The following ABCC5 variants were observed in gnomAD, a reference collection of about 807,000 sequenced individuals.
The protein encoded by ABCC5 is ATP binding cassette subfamily C member 5, also known as ATP-binding cassette sub-family C member 5.
In ABCC5, 61 loss-of-function variants were observed where a neutral mutation model predicts 160.9. The ratio of observed to expected loss-of-function variants is 0.38; its 90% CI spans 0.31 to 0.47. The LOEUF (loss-of-function observed/expected upper bound fraction) is 0.47, where lower values mean the gene tolerates loss of function less well. ABCC5 is among the 20% of genes least tolerant of loss of function. ABCC5 has a pLI of 0.99. For missense variants in ABCC5, 1,308 were observed against 1,813.3 expected (o/e 0.72, Z 5.06); for synonymous variants, 666 against 700.6 (o/e 0.95, Z 0.78).
intron 24 of ABCC5, among the ~76,000 whole-genome samples, chr3:183,943,339 A>G (rs1714540999): frequency 1.3e-5 from 2 of 152,208 alleles, no homozygotes; most frequent in Non-Finnish European, 2.9e-5. Context: ...AAGAAAACTA[A>G]TATTTACTGA....
chr3:183,928,884 G>T (rs1712879922), intron 26 of ABCC5, 59 bp from the exon 27 acceptor site: 1 of 1,417,112 alleles, frequency 7.1e-7, no homozygotes. Flanking sequence ...ATTGGCAAAG[G>T]CTGTCTGTGG....
chr3:183,951,507 T>C lies in ABCC5; in HGVS notation c.2878A>G (p.Met960Val), dbSNP rs374919177. The change falls in exon 20 of 30, where the codon ATG becomes GTG. Residue 960 changes from methionine to valine, a missense_variant. Met to Val is a conservative substitution (Grantham distance 21). This residue lies in a region of ABCC5 where 1,142 missense variants were observed against 1,527.1 expected (regional missense o/e 0.75). Coordinates refer to ENST00000334444, the MANE Select transcript of ABCC5 (RefSeq NM_005688.4). This position sits in a 1 kb window ranked among gnomAD's most constrained non-coding sequence, Gnocchi z 4.7. ...GTGGGGGTCGTGTCAAAAAACTTCA[T>C]AGGGCTTCGAAGGATCCTTCGGAAA... Reference protein sequence around the residue: ...ELFRRILRSPMKFFDTTPTGR... With the variant: ...ELFRRILRSPVKFFDTTPTGR... The C allele has an allele frequency of 2.5e-6, 4 of 1,614,154 alleles. No individual in the cohort carries two copies. The highest frequency in any genetic ancestry group is 2.2e-5 in the East Asian group (1 of 44,866).
At chr3:183,967,814 C>G in intron 11 of ABCC5, 48 bp from the exon 12 acceptor site, 1 of 1,447,560 alleles carries the variant, frequency 6.9e-7, no homozygotes. Flanking sequence ...CTACTAACCA[C>G]TCATCGCTAA....
In ABCC5 at chr3:183,947,480, A is replaced by G. The variant is rs768499815; in HGVS notation, c.3258T>C (p.Ala1086=). 1 of 1,603,242 alleles carries G rather than the reference A, an allele frequency of 6.2e-7. No individual in the cohort carries two copies. The highest frequency in any genetic ancestry group is 8.5e-7 in the Non-Finnish European group (1 of 1,173,390). Residue 1086 remains alanine (A), a synonymous_variant, in exon 23 of 30, where the codon GCT becomes GCC. Coordinates refer to ENST00000334444, the MANE Select transcript of ABCC5 (RefSeq NM_005688.4). ...TCGCACACGTAAACAAAAAAAAAGG[A>G]GCTTGGTTGTCATCCAGCAGCTCCT... ...RYQELLDDNQ[A]PFFLFTCAMR...
chr3:183,943,754 G>A (rs1215388016), intron 24 of ABCC5, among the ~76,000 whole-genome samples: 1 of 152,102 alleles, frequency 6.6e-6, no homozygotes, highest in African/African-American at 2.4e-5. Context: ...AATGTGACCG[G>A]TTTCAGCAGG....
chr3:183,990,669 G>A (rs977876337), intron 2 of ABCC5, among the ~76,000 whole-genome samples: 1 of 149,798 alleles, frequency 6.7e-6, no homozygotes, highest in African/African-American at 2.5e-5. Context: ...CTGCACAGCT[G>A]AAGAGCTCTA....
chr3:184,017,440 ACCCG>A lies in ABCC5; in HGVS notation c.-56+386_-56+389del, dbSNP rs1228963484. ...CCTCCCAGGTGGGCGTTTCTCTCAG[ACCCG>A]CTTCGCCTGGGATGCCCGGGCCCTA... On this transcript the variant is annotated intron_variant, in intron 1 of 29. Coordinates refer to ENST00000334444, the MANE Select transcript of ABCC5 (RefSeq NM_005688.4). This position sits in a 1 kb window ranked among gnomAD's most constrained non-coding sequence, Gnocchi z 4.5. The A allele has an allele frequency of 1.3e-5, 2 of 151,956 alleles. No individual in the cohort carries two copies. Among genetic ancestry groups the A allele is most frequent in the Non-Finnish European group, 2.9e-5 (2 of 67,980 alleles). The allele number at this position is 151,956 out of a possible 1,614,324, so 9.4% of individuals were successfully genotyped here. A position where few individuals can be genotyped will look rare whatever the true frequency, so the allele number is the denominator to read the frequency against.
chr3:184,016,862 G>A (rs972445377), intron 1 of ABCC5, among the ~76,000 whole-genome samples: 2 of 152,174 alleles, frequency 1.3e-5, no homozygotes, highest in African/African-American at 4.8e-5. Flanking sequence ...TGATTCAACT[G>A]CATGGCAGGA....
At chr3:184,005,629 A>C (rs1341280383) in intron 2 of ABCC5, among the ~76,000 whole-genome samples, 29 of 136,714 alleles carry the variant, frequency 2.1e-4, no homozygotes, top group African/African-American at 7.7e-4. Context: ...ACATTAAAAA[A>C]AGCATGAACA....
intron 16 of ABCC5, 30 bp from the exon 17 acceptor site, chr3:183,959,865 G>GTCATGTT: frequency 6.7e-7 from 1 of 1,493,702 alleles, no homozygotes; most frequent in Non-Finnish European, 9.2e-7. Flanking sequence ...AAAGTCTCCA[G>GTCATGTT]TCATGTTAGC....
chr3:183,976,236 GAAAC>G (rs1335795195), intron 10 of ABCC5, among the ~76,000 whole-genome samples: 1 of 150,656 alleles, frequency 6.6e-6, no homozygotes, highest in African/African-American at 2.4e-5. Context: ...CTTTTTGTAA[GAAAC>G]AAACAAACAA....
intron 2 of ABCC5, among the ~76,000 whole-genome samples, chr3:183,990,562 A>G (rs1438077866): frequency 6.6e-6 from 1 of 152,128 alleles, no homozygotes; most frequent in Admixed American, 6.5e-5. Context: ...ATCAGCCCCA[A>G]TTAAACAGCC....
chr3:183,987,684 G>C lies in ABCC5; in HGVS notation c.591+86C>G. Reference sequence around the variant, plus strand: ...AGACTGCTACCTAGCCCAAAGCTGAGCACAACCTCTGCAACAGAATAAGAG... The same window carrying C: ...AGACTGCTACCTAGCCCAAAGCTGACCACAACCTCTGCAACAGAATAAGAG... On this transcript the variant is annotated intron_variant, in intron 5 of 29. Coordinates refer to ENST00000334444, the MANE Select transcript of ABCC5 (RefSeq NM_005688.4). The surrounding 1 kb of genome is among the most constrained non-coding windows in gnomAD (Gnocchi z 4.2). The C allele has an allele frequency of 6.3e-7, 1 of 1,584,358 alleles. No homozygotes were observed. The highest frequency in any genetic ancestry group is 8.6e-7 in the Non-Finnish European group (1 of 1,161,558).
chr3:183,934,690 T>G (rs1453517888), intron 26 of ABCC5, among the ~76,000 whole-genome samples: 1 of 152,158 alleles, frequency 6.6e-6, no homozygotes, highest in Non-Finnish European at 1.5e-5. Flanking sequence ...TTTATATAAT[T>G]TAAAAAAGCA....
Position 183,942,801 on chromosome 3 carries a change from G to C in ABCC5, c.3620C>G (p.Pro1207Arg). 6.2e-7 allele frequency: 1 copy of C among 1,614,158 alleles called. No homozygotes were observed. The highest frequency in any genetic ancestry group is 1.3e-5 in the African/African-American group (1 of 75,030). Residue 1207 changes from proline to arginine, a missense_variant, in exon 25 of 30, where the codon CCT (proline) becomes CGT (arginine). Physicochemically the swap from Pro to Arg is moderately radical, Grantham distance 103 (BLOSUM62 -2). Transcript: ENST00000334444. ...NAEMRYRENL[P>R]LVLKKVSFTI... ...GAAGGATACTTTCTTTAGGACGAGA[G>C]GGAGGTTTTCTCGGTACCTCATCTC...
At chr3:184,003,898 C>T (rs778393558) in intron 2 of ABCC5, among the ~76,000 whole-genome samples, 2 of 152,032 alleles carry the variant, frequency 1.3e-5, no homozygotes, top group African/African-American at 2.4e-5. Flanking sequence ...AGGGGTAAAA[C>T]GGGATTTACA....
intron 17 of ABCC5, among the ~76,000 whole-genome samples, chr3:183,958,186 T>G (rs1042375166): frequency 6.6e-6 from 1 of 152,106 alleles, no homozygotes; most frequent in African/African-American, 2.4e-5. Flanking sequence ...ATCACATCTG[T>G]TACATGCTTA....
At chr3:183,931,104 T>C (rs1193109342) in intron 26 of ABCC5, among the ~76,000 whole-genome samples, 1 of 152,154 alleles carries the variant, frequency 6.6e-6, no homozygotes, top group African/African-American at 2.4e-5. Context: ...ATCAAGCAAT[T>C]ATAACAATAT....
At chr3:184,014,725 C>T (rs1464845703) in intron 1 of ABCC5, among the ~76,000 whole-genome samples, 3 of 151,488 alleles carry the variant, frequency 2.0e-5, no homozygotes, top group African/African-American at 4.8e-5. Flanking sequence ...AAAGAGACAC[C>T]CATTCTCTTC....
Sources: gnomAD v4.1 joint callset for allele counts (sites outside exome capture counted in the v4.1 genomes callset) on GRCh38, gnomAD v4.1.1 for gene constraint, gnomAD v4.1.1 regional missense constraint, Gnocchi (gnomAD v3.1) non-coding constraint, MANE v1.5 for transcripts, NCBI Gene and HGNC (gene_info 2026-07-23, HGNC 2026-07-21) for gene names.